SLC44A5: variants seen among roughly 807,000 people sequenced by gnomAD.
SLC44A5 encodes solute carrier family 44 member 5, also known as choline transporter-like protein 5.
A neutral mutation model predicts 101.8 loss-of-function variants in SLC44A5; 57 were observed. That is an observed-to-expected ratio of 0.56 (90% CI 0.45 to 0.70). The LOEUF (loss-of-function observed/expected upper bound fraction) is 0.70, where lower values mean the gene tolerates loss of function less well. Ranked by LOEUF, SLC44A5 falls within the 30% of genes least tolerant of loss-of-function variation. The pLI is 0.00. For synonymous variants in SLC44A5, 281 were observed against 290.9 expected (o/e 0.97, Z 0.35); for missense variants, 737 against 853.1 (o/e 0.86, Z 1.70).
chr1:75,444,085 G>C (rs1364459348), intron 2 of SLC44A5, among the ~76,000 whole-genome samples: 1 of 151,958 alleles, frequency 6.6e-6, no homozygotes, highest in Non-Finnish European at 1.5e-5. Flanking sequence ...GGGAGGCTGA[G>C]GTGGGCGGAT....
chr1:75,663,097 G>C, the SLC44A5 span, among the ~76,000 whole-genome samples: 1 of 152,190 alleles, frequency 6.6e-6, no homozygotes, highest in African/African-American at 2.4e-5. Context: ...CAAAAGACTA[G>C]CATGTACTTA....
the SLC44A5 span, among the ~76,000 whole-genome samples, chr1:75,625,707 T>C: frequency 1.8e-3 from 279 of 152,270 alleles, no homozygotes; most frequent in Non-Finnish European, 3.1e-3. Context: ...CTTATTTATT[T>C]ATTTTCTGGT....
chr1:75,250,899 T>C (rs545354286), intron 7 of SLC44A5, among the ~76,000 whole-genome samples: 4 of 152,260 alleles, frequency 2.6e-5, no homozygotes, highest in Non-Finnish European at 5.9e-5. Flanking sequence ...AGCTTTACTT[T>C]TCCTAATACA....
intron 1 of SLC44A5, among the ~76,000 whole-genome samples, chr1:75,589,671 AAAACGGTCCTG>A (rs1674233381): frequency 6.6e-6 from 1 of 152,168 alleles, no homozygotes; most frequent in South Asian, 2.1e-4. Context: ...AGAGATAGAA[AAAACGGTCCTG>A]AATCACCAAT....
At chr1:75,613,815 T>C (rs142980147), upstream of SLC44A5, among the ~76,000 whole-genome samples, 1,074 of 152,306 alleles carry the variant, frequency 7.1e-3, 12 homozygotes, top group African/African-American at 0.024. Context: ...CATACTGACC[T>C]ACAAAACAAA....
chr1:75,486,576 T>C (rs1298186218), intron 2 of SLC44A5, among the ~76,000 whole-genome samples: 1 of 152,228 alleles, frequency 6.6e-6, no homozygotes, highest in Non-Finnish European at 1.5e-5. Context: ...TCAGCCTTTT[T>C]GAAAAGCAGA....
the SLC44A5 span, among the ~76,000 whole-genome samples, chr1:75,701,515 T>C: frequency 6.6e-6 from 1 of 152,056 alleles, no homozygotes; most frequent in African/African-American, 2.4e-5. Flanking sequence ...CTCAAAATAA[T>C]AAGAGCTATC....
chr1:75,227,996 A>C, intron 12 of SLC44A5, 139 bp from the exon 13 acceptor site: 1 of 599,224 alleles, frequency 1.7e-6, no homozygotes, highest in Non-Finnish European at 2.7e-6. Context: ...TTACACAGCA[A>C]ATATTTTATT....
chr1:75,312,696 A>G lies in SLC44A5; in HGVS notation c.102-12011T>C, dbSNP rs533268156. 4.0e-5 allele frequency among the ~76,000 whole-genome samples: 6 copies of G among 150,916 alleles called. No individual in the cohort carries two copies. The South Asian group carries it at 1.3e-3, about 31-fold the overall frequency. On this transcript the variant is annotated intron_variant, in intron 4 of 23. Transcript: ENST00000370859. ...TAATAATATGTATAATCTATTCATT[A>G]TTATATATATAGCAGCACAAAACAT...
At chr1:75,342,376 C>T (rs1223756269) in intron 3 of SLC44A5, among the ~76,000 whole-genome samples, 1 of 152,106 alleles carries the variant, frequency 6.6e-6, no homozygotes, top group East Asian at 1.9e-4. Flanking sequence ...TTTATTATGT[C>T]ATTTAATGTT....
the SLC44A5 span, among the ~76,000 whole-genome samples, chr1:75,693,957 G>T: frequency 1.3e-5 from 2 of 151,842 alleles, no homozygotes; most frequent in Admixed American, 6.6e-5. Context: ...GGGAAGATGA[G>T]AACTGGAGGC....
chr1:75,570,236 G>C (rs573142322), intron 1 of SLC44A5, among the ~76,000 whole-genome samples: 13 of 152,286 alleles, frequency 8.5e-5, no homozygotes, highest in African/African-American at 2.6e-4. Context: ...GGGGAGCAAT[G>C]ACAGGATGTA....
chr1:75,645,645 G>A, the SLC44A5 span, among the ~76,000 whole-genome samples: 3 of 150,766 alleles, frequency 2.0e-5, no homozygotes, highest in Non-Finnish European at 3.0e-5. Flanking sequence ...GATCCCATTT[G>A]TCAATTTTGG....
the SLC44A5 span, among the ~76,000 whole-genome samples, chr1:75,627,052 CCCATCT>C: frequency 6.6e-6 from 1 of 152,116 alleles, no homozygotes; most frequent in East Asian, 1.9e-4. Context: ...TTTTTCACTT[CCCATCT>C]CCATCTTTTA....
At chr1:75,293,094 GAA>G (rs1191877377) in intron 5 of SLC44A5, among the ~76,000 whole-genome samples, 2 of 152,186 alleles carry the variant, frequency 1.3e-5, no homozygotes, top group African/African-American at 2.4e-5. Flanking sequence ...AGAGAAGAGA[GAA>G]GAGAAATTAT....
chr1:75,251,446 C>A lies in SLC44A5; in HGVS notation c.261-152G>T, dbSNP rs901872918. The A allele has an allele frequency of 8.5e-6, 5 of 588,376 alleles. No homozygotes were observed. In the African/African-American group the frequency reaches 9.4e-5, roughly 11 times the overall value. The allele number at this position is 588,376 out of a possible 1,614,324, so 36.4% of individuals were successfully genotyped here. A position where few individuals can be genotyped will look rare whatever the true frequency, so the allele number is the denominator to read the frequency against. Reference sequence around the variant, plus strand: ...TTCTCCCTCTCCCTTAGGTACCTAACCTTTAAAGTATCTTTTTTTTTAATA... The same window carrying A: ...TTCTCCCTCTCCCTTAGGTACCTAAACTTTAAAGTATCTTTTTTTTTAATA... On this transcript the variant is annotated intron_variant, in intron 6 of 23. Coordinates refer to ENST00000370859, the MANE Select transcript of SLC44A5 (RefSeq NM_001130058.2).
At chr1:75,219,744 G>A (rs1032627639) in intron 15 of SLC44A5, 56 bp downstream of exon 15, 1 of 1,100,378 alleles carries the variant, frequency 9.1e-7, no homozygotes, top group Non-Finnish European at 1.4e-6. Context: ...CAAACTCCTG[G>A]TTCACGAGTA....
intron 2 of SLC44A5, among the ~76,000 whole-genome samples, chr1:75,499,835 A>G (rs1488192288): frequency 2.0e-5 from 3 of 152,140 alleles, no homozygotes; most frequent in East Asian, 1.9e-4. Flanking sequence ...CCGCCAACTC[A>G]TTATCCCTTC....
intron 3 of SLC44A5, among the ~76,000 whole-genome samples, chr1:75,353,164 A>T (rs1242859341): frequency 6.6e-6 from 1 of 152,228 alleles, no homozygotes; most frequent in Non-Finnish European, 1.5e-5. Flanking sequence ...AAACAGAAGA[A>T]AATGAAAGGT....
Sources: gnomAD v4.1 joint callset for allele counts (sites outside exome capture counted in the v4.1 genomes callset) on GRCh38, gnomAD v4.1.1 for gene constraint, MANE v1.5 for transcripts, NCBI Gene and HGNC (gene_info 2026-07-23, HGNC 2026-07-21) for gene names.